LHFPL3: variants seen among roughly 807,000 people sequenced by gnomAD.
LHFPL3 encodes LHFPL tetraspan subfamily member 3, also known as LHFPL tetraspan subfamily member 3 protein.
A neutral mutation model predicts 19.3 loss-of-function variants in LHFPL3; 5 were observed. That is an observed-to-expected ratio of 0.26 (90% CI 0.14 to 0.54). The LOEUF (loss-of-function observed/expected upper bound fraction) is 0.54. Ranked by LOEUF, LHFPL3 falls within the 20% of genes least tolerant of loss-of-function variation. The pLI is 0.94. For synonymous variants in LHFPL3, 133 were observed against 126.2 expected (o/e 1.05, Z -0.36); for missense variants, 249 against 307.4 (o/e 0.81, Z 1.42).
intron 1 of LHFPL3, among the ~76,000 whole-genome samples, chr7:104,569,111 C>A (rs773409253): frequency 5.3e-5 from 8 of 151,988 alleles, no homozygotes; most frequent in Non-Finnish European, 1.2e-4. Context: ...GATAGATGGA[C>A]AACTGTAGGC....
chr7:104,766,639 G>A (rs1361206803), intron 2 of LHFPL3, among the ~76,000 whole-genome samples: 3 of 152,136 alleles, frequency 2.0e-5, no homozygotes, highest in African/African-American at 7.2e-5. Flanking sequence ...TGGGTTCCTT[G>A]GCACACAGTT....
intron 1 of LHFPL3, among the ~76,000 whole-genome samples, chr7:104,590,208 G>T (rs139587210): frequency 0.043 from 6,571 of 152,120 alleles, 166 homozygotes; most frequent in African/African-American, 0.062. Context: ...TGATGTTAGG[G>T]TGTCAATTTT....
intron 1 of LHFPL3, among the ~76,000 whole-genome samples, chr7:104,556,879 C>T (rs1397730162): frequency 6.6e-6 from 1 of 152,180 alleles, no homozygotes; most frequent in Non-Finnish European, 1.5e-5. Flanking sequence ...ACCAGATACC[C>T]TAAATCATCT....
chr7:104,371,568 G>A (rs1249602259), intron 1 of LHFPL3, among the ~76,000 whole-genome samples: 1 of 152,060 alleles, frequency 6.6e-6, no homozygotes. Context: ...GAAACTTTAT[G>A]CTTTCATTGC....
chr7:104,824,566 ATATT>A (rs1431243353), intron 2 of LHFPL3, among the ~76,000 whole-genome samples: 1 of 74,902 alleles, frequency 1.3e-5, no homozygotes, highest in South Asian at 3.7e-4. Context: ...ATAATTATAT[ATATT>A]ATTTTATATA....
At chr7:104,868,333 T>C (rs907545782) in intron 2 of LHFPL3, among the ~76,000 whole-genome samples, 27 of 152,276 alleles carry the variant, frequency 1.8e-4, no homozygotes, top group African/African-American at 5.5e-4. Context: ...GAAAACCCCA[T>C]TGTCTCAGCC....
At chr7:104,339,034 G>A (rs1789894298) in intron 1 of LHFPL3, among the ~76,000 whole-genome samples, 2 of 152,076 alleles carry the variant, frequency 1.3e-5, no homozygotes, top group Non-Finnish European at 1.5e-5. Context: ...GATCGCCTGA[G>A]GTCAGGCATT....
intron 1 of LHFPL3, among the ~76,000 whole-genome samples, chr7:104,496,686 A>G (rs1793489646): frequency 6.6e-6 from 1 of 152,108 alleles, no homozygotes; most frequent in South Asian, 2.1e-4. Context: ...AAGATTTTTA[A>G]ACAAAGCTGC....
At chr7:104,766,260 T>C (rs1410921503) in intron 2 of LHFPL3, among the ~76,000 whole-genome samples, 2 of 152,218 alleles carry the variant, frequency 1.3e-5, no homozygotes, top group Non-Finnish European at 2.9e-5. Flanking sequence ...TAAATCGTAT[T>C]GACTTGAGAG....
intron 1 of LHFPL3, among the ~76,000 whole-genome samples, chr7:104,369,160 T>A (rs1473722388): frequency 6.6e-6 from 1 of 152,190 alleles, no homozygotes; most frequent in Non-Finnish European, 1.5e-5. Context: ...TAATCCAGTT[T>A]TAGGACATTA....
At chr7:104,556,162 C>T (rs1337863379) in intron 1 of LHFPL3, among the ~76,000 whole-genome samples, 1 of 152,196 alleles carries the variant, frequency 6.6e-6, no homozygotes, top group Admixed American at 6.5e-5. Context: ...AGTGGATCTA[C>T]TATTCTAGGG....
intron 1 of LHFPL3, among the ~76,000 whole-genome samples, chr7:104,693,711 T>A (rs1449700478): frequency 6.6e-6 from 1 of 150,944 alleles, no homozygotes; most frequent in East Asian, 1.9e-4. Flanking sequence ...TTTTTTTTTT[T>A]AAAGACAGAG....
chr7:104,437,750 C>T (rs190317394), intron 1 of LHFPL3, among the ~76,000 whole-genome samples: 5 of 152,250 alleles, frequency 3.3e-5, no homozygotes, highest in Non-Finnish European at 7.4e-5. Flanking sequence ...CACAGAGCTT[C>T]CATACTGTCT....
intron 1 of LHFPL3, among the ~76,000 whole-genome samples, chr7:104,720,865 G>A (rs570173796): frequency 3.0e-4 from 46 of 152,212 alleles, no homozygotes; most frequent in Admixed American, 8.5e-4. Context: ...TTAGAATGGC[G>A]ATCATTAAAA....
chr7:104,569,025 C>T (rs1013985187), intron 1 of LHFPL3, among the ~76,000 whole-genome samples: 9 of 152,128 alleles, frequency 5.9e-5, no homozygotes, highest in African/African-American at 2.2e-4. Flanking sequence ...GGTGATTGGT[C>T]TTCATTAGAG....
At chr7:104,581,909 A>G (rs12705234) in intron 1 of LHFPL3, among the ~76,000 whole-genome samples, 18,656 of 151,984 alleles carry the variant, frequency 0.12, 1,452 homozygotes, top group Non-Finnish European at 0.17. Flanking sequence ...TATTAAATTC[A>G]AGTACTGAAG....
chr7:104,387,499 A>C (rs1790971089), intron 1 of LHFPL3, among the ~76,000 whole-genome samples: 1 of 152,234 alleles, frequency 6.6e-6, no homozygotes, highest in Non-Finnish European at 1.5e-5. Flanking sequence ...ATTCAGGATT[A>C]TCTAGTCTGT....
At chr7:104,814,771 G>A (rs934287083) in intron 2 of LHFPL3, among the ~76,000 whole-genome samples, 8 of 152,236 alleles carry the variant, frequency 5.3e-5, no homozygotes, top group African/African-American at 1.2e-4. Flanking sequence ...GGGTGCTGGC[G>A]TGTCAGCACT....
intron 1 of LHFPL3, among the ~76,000 whole-genome samples, chr7:104,520,536 T>C (rs1305790069): frequency 6.5e-5 from 9 of 138,252 alleles, no homozygotes; most frequent in Non-Finnish European, 1.4e-4. Context: ...CAGTTCCTCC[T>C]TGTACCTCTG....
Sources: allele counts gnomAD v4.1 joint callset (sites outside exome capture counted in the v4.1 genomes callset), GRCh38; gene constraint gnomAD v4.1.1; transcripts MANE v1.5; gene names NCBI Gene and HGNC (gene_info 2026-07-23, HGNC 2026-07-21).